TJP1: variants seen among roughly 807,000 people sequenced by gnomAD.
The protein encoded by TJP1 is tight junction protein 1.
Under a neutral mutation model 194.2 loss-of-function variants are expected in TJP1, and 43 were observed. That is an observed-to-expected ratio of 0.22 (90% CI 0.17 to 0.29). The LOEUF (loss-of-function observed/expected upper bound fraction) is 0.29. Ranked by LOEUF, TJP1 falls within the 10% of genes least tolerant of loss-of-function variation. The pLI, the probability that TJP1 is intolerant of heterozygous loss-of-function variation, is 1.00. For missense variants in TJP1, 1,971 were observed against 2,185.7 expected (o/e 0.90, Z 1.96); for synonymous variants, 801 against 779.0 (o/e 1.03, Z -0.47).
intron 2 of TJP1, among the ~76,000 whole-genome samples, chr15:29,919,125 A>G (rs2054277465): frequency 6.6e-6 from 1 of 152,258 alleles, no homozygotes; most frequent in African/African-American, 2.4e-5. Flanking sequence ...AGGTCTCAAT[A>G]GCAACATTCA....
In TJP1 at chr15:29,762,498, A is replaced by G. The variant is rs1046323701; in HGVS notation, c.590-60T>C. 8.0e-6 allele frequency: 10 copies of G among 1,255,964 alleles called. No individual in the cohort carries two copies. In the Admixed American group the frequency reaches 1.9e-4, roughly 24 times the overall value. The allele number at this position is 1,255,964 out of a possible 1,614,324, so 77.8% of individuals were successfully genotyped here. A position where few individuals can be genotyped will look rare whatever the true frequency, so the allele number is the denominator to read the frequency against. ...ATCCTAAGACACCTAAATAGATTTT[A>G]CAAGTATACAACTAAACTAATTAAC... On this transcript the variant is annotated intron_variant, in intron 5 of 27. Coordinates refer to ENST00000614355, the MANE Select transcript of TJP1 (RefSeq NM_001330239.4).
intron 15 of TJP1, among the ~76,000 whole-genome samples, chr15:29,731,737 T>G (rs2043675591): frequency 1.3e-5 from 2 of 151,926 alleles, no homozygotes; most frequent in South Asian, 4.1e-4. Flanking sequence ...TCTGCCCATG[T>G]CCTGCCTGAA....
At chr15:29,851,955 ACCTCATG>A (rs1313821260) in intron 2 of TJP1, among the ~76,000 whole-genome samples, 1 of 152,228 alleles carries the variant, frequency 6.6e-6, no homozygotes, top group Admixed American at 6.5e-5. Context: ...CTGGATCTAA[ACCTCATG>A]CCTTATATGA....
intron 2 of TJP1, among the ~76,000 whole-genome samples, chr15:29,945,137 C>T (rs2055228108): frequency 6.6e-6 from 1 of 152,170 alleles, no homozygotes; most frequent in African/African-American, 2.4e-5. Flanking sequence ...AGTAACTCCC[C>T]TCTGGTGTTT....
chr15:29,850,647 T>C (rs2051606971), intron 2 of TJP1, among the ~76,000 whole-genome samples: 3 of 151,966 alleles, frequency 2.0e-5, no homozygotes. Context: ...ATGTTTATTG[T>C]TTTAAGCCAC....
chr15:29,825,403 A>C (rs1414310504), upstream of TJP1, among the ~76,000 whole-genome samples: 1 of 152,206 alleles, frequency 6.6e-6, no homozygotes, highest in Non-Finnish European at 1.5e-5. Context: ...ATTTCTGATC[A>C]TCTCTGCAAC....
chr15:29,732,905 TG>T lies in TJP1; in HGVS notation c.1737-91del, dbSNP rs1432849896. On this transcript the variant is annotated intron_variant, in intron 13 of 27. Coordinates refer to ENST00000614355, the MANE Select transcript of TJP1 (RefSeq NM_001330239.4). The stretch of plus-strand genomic sequence containing the variant: ...ATGAAATGAAATATACAATACTGGA[TG>T]GAAGTTCACATACAGTTTAAATCTT... The T allele has an allele frequency of 5.2e-6, 7 of 1,337,622 alleles. No homozygotes were observed. The African/African-American group carries it at 5.9e-5, about 11-fold the overall frequency. 82.9% of individuals were successfully genotyped at this position (1,337,622 alleles called of 1,614,324 possible). A position where few individuals can be genotyped will look rare whatever the true frequency, so the allele number is the denominator to read the frequency against.
At chr15:29,928,505 A>G (rs183579513) in intron 2 of TJP1, among the ~76,000 whole-genome samples, 283 of 152,336 alleles carry the variant, frequency 1.9e-3, no homozygotes, top group African/African-American at 6.4e-3. Flanking sequence ...CCTATGATGC[A>G]GTGACTCTAT....
intron 8 of TJP1, among the ~76,000 whole-genome samples, chr15:29,748,983 T>C (rs2045046222): frequency 6.6e-6 from 1 of 151,410 alleles, no homozygotes; most frequent in South Asian, 2.1e-4. Flanking sequence ...CGTTTGCTAT[T>C]ATGAGGAAAG....
chr15:29,950,095 C>CT (rs1567227785), intron 2 of TJP1, among the ~76,000 whole-genome samples: 520 of 49,400 alleles, frequency 0.011, 169 homozygotes, highest in African/African-American at 0.04. Flanking sequence ...TCTTCACCAC[C>CT]ACCTCCACCA....
intron 2 of TJP1, among the ~76,000 whole-genome samples, chr15:29,848,906 G>T (rs570818157): frequency 7.9e-5 from 12 of 151,728 alleles, no homozygotes; most frequent in South Asian, 2.1e-4. Context: ...ATTTTCTGTG[G>T]TTTTTTTTAA....
intron 2 of TJP1, among the ~76,000 whole-genome samples, chr15:29,784,899 T>C (rs1019823808): frequency 6.6e-6 from 1 of 152,050 alleles, no homozygotes; most frequent in Non-Finnish European, 1.5e-5. Flanking sequence ...AATGATAGCA[T>C]GTGCAAAAAA....
intron 2 of TJP1, among the ~76,000 whole-genome samples, chr15:29,915,555 A>G (rs888421105): frequency 7.2e-5 from 11 of 152,200 alleles, no homozygotes; most frequent in African/African-American, 2.7e-4. Context: ...ATTTAGCTTT[A>G]CTTGTTAAAA....
intron 8 of TJP1, among the ~76,000 whole-genome samples, chr15:29,758,135 T>A (rs1318793722): frequency 6.6e-6 from 1 of 152,222 alleles, no homozygotes; most frequent in African/African-American, 2.4e-5. Flanking sequence ...CTGTTTATGT[T>A]ATCAGTAAGC....
chr15:29,712,460 A>G, intron 23 of TJP1, among the ~76,000 whole-genome samples: 1 of 152,224 alleles, frequency 6.6e-6, no homozygotes, highest in Non-Finnish European at 1.5e-5. Context: ...AAAATGGTCA[A>G]TCTAACTAAG....
chr15:29,804,020 CCTT>C (rs1446055026), intron 1 of TJP1, among the ~76,000 whole-genome samples: 16 of 151,612 alleles, frequency 1.1e-4, no homozygotes, highest in South Asian at 1.0e-3. Context: ...TTTTACCACT[CCTT>C]ATCTTTAAAA....
chr15:29,779,545 T>A (rs1406124198), intron 2 of TJP1, among the ~76,000 whole-genome samples: 1 of 152,220 alleles, frequency 6.6e-6, no homozygotes, highest in African/African-American at 2.4e-5. Context: ...GCTTGCTAGT[T>A]CAATATATTC....
At chr15:29,890,816 A>G (rs1314332896) in intron 2 of TJP1, among the ~76,000 whole-genome samples, 2 of 149,776 alleles carry the variant, frequency 1.3e-5, no homozygotes, top group Non-Finnish European at 3.0e-5. Flanking sequence ...AAAAAAAAAT[A>G]GAATCATCAG....
intron 2 of TJP1, among the ~76,000 whole-genome samples, chr15:29,781,355 C>A (rs778739357): frequency 2.6e-5 from 4 of 152,052 alleles, no homozygotes; most frequent in Non-Finnish European, 4.4e-5. Flanking sequence ...AAAAAAACCC[C>A]AGGACCAAAT....
Sources: allele counts gnomAD v4.1 joint callset (sites outside exome capture counted in the v4.1 genomes callset), GRCh38; gene constraint gnomAD v4.1.1; transcripts MANE v1.5; gene names NCBI Gene and HGNC (gene_info 2026-07-23, HGNC 2026-07-21).